Variants in MICALL2 observed in about 807,000 individuals in gnomAD.
MICALL2 encodes MICAL-like protein 2.
Under a neutral mutation model 91.1 loss-of-function variants are expected in MICALL2, and 111 were observed. That is an observed-to-expected ratio of 1.22 (90% CI 1.04 to 1.43). The LOEUF is 1.43. Ranked by LOEUF, MICALL2 falls within the 40% of genes most tolerant of loss-of-function variation. The pLI is 0.00. For synonymous variants in MICALL2, 694 were observed against 525.3 expected (o/e 1.32, Z -4.39); for missense variants, 1,556 against 1,236.0 (o/e 1.26, Z -3.88).
At chr7:1,438,488 C>T (rs999924782) in intron 10 of MICALL2, 135 bp from the exon 11 acceptor site, 153 of 1,475,412 alleles carry the variant, frequency 1.0e-4, no homozygotes, top group Non-Finnish European at 1.1e-4. Context: ...CCCACACGCC[C>T]ACTGGACTGC....
In MICALL2 at chr7:1,440,682, T is replaced by TGTCTGGGTGGGAGGCATGGG; in HGVS notation, c.1713_1714insCCCATGCCTCCCACCCAGAC (p.Met572ProfsTer8). 6.2e-7 allele frequency: 1 copy of TGTCTGGGTGGGAGGCATGGG among 1,611,262 alleles called. No homozygotes were observed. The highest frequency in any genetic ancestry group is 8.5e-7 in the Non-Finnish European group (1 of 1,179,634). Reference sequence around the variant, plus strand: ...TGGCCTTCCTGGAGGCTGGTGCTCATGTCTGGGTGGGAGGCAAGGGGTCTG... The same window carrying TGTCTGGGTGGGAGGCATGGG: ...TGGCCTTCCTGGAGGCTGGTGCTCATGTCTGGGTGGGAGGCATGGGGTCTGGGTGGGAGGCAAGGGGTCTG... On this transcript the variant is annotated frameshift_variant and splice_region_variant, in exon 8 of 17. Coordinates refer to ENST00000297508, the MANE Select transcript of MICALL2 (RefSeq NM_182924.4). LOFTEE classifies it high-confidence loss of function.
In MICALL2 at chr7:1,434,596, C is replaced by T; in HGVS notation, c.2715G>A (p.Ter905=). ...SPKSKSSPSQ[*] Reference sequence around the variant, plus strand: ...GCCGAGCCCACGGCCCTACTGGCTACTACTGGGAGGGGCTGCTTTTGCTTT... The same window carrying T: ...GCCGAGCCCACGGCCCTACTGGCTATTACTGGGAGGGGCTGCTTTTGCTTT... Residue 905 remains the stop codon, a stop_retained_variant, in exon 17 of 17, where the codon TAG becomes TAA. Transcript: ENST00000297508. 1.2e-6 allele frequency: 2 copies of T among 1,604,282 alleles called. No homozygotes were observed. The highest frequency in any genetic ancestry group is 1.7e-6 in the Non-Finnish European group (2 of 1,176,546).
rs1200118738 is a variant in MICALL2 at position 1,451,859 on chromosome 7, C to A, written c.144-1571G>T. Reference sequence around the variant, plus strand: ...CTGGGCGGCCTAGTTCTGAGCCCAGCCTGCACAGCCCTTGCCAGGCCCTGA... The same window carrying A: ...CTGGGCGGCCTAGTTCTGAGCCCAGACTGCACAGCCCTTGCCAGGCCCTGA... On this transcript the variant is annotated intron_variant, in intron 1 of 16. Transcript: ENST00000297508. The surrounding 1 kb of genome is among the most constrained non-coding windows in gnomAD (Gnocchi z 4.5). Among the ~76,000 whole-genome samples the A allele has an allele frequency of 6.6e-6, 1 of 152,218 alleles. No homozygotes were observed.
At chr7:1,458,608 C>T (rs987473710) in intron 1 of MICALL2, among the ~76,000 whole-genome samples, 2 of 152,254 alleles carry the variant, frequency 1.3e-5, no homozygotes, top group Non-Finnish European at 2.9e-5. Context: ...GTCCTCAACC[C>T]CTGCCACCTC....
In MICALL2 at chr7:1,437,606, G is replaced by A. The variant is rs1342895760; in HGVS notation, c.2405C>T (p.Ser802Phe). ...LRQESELMYK[S>F]KAQRLEEQQL... is the part of the protein sequence containing the mutation. Reference sequence around the variant, plus strand: ...CTGCTCCTCCAGACGCTGGGCCTTGGACCTGCCGCACAGACACGCGTCTGA... The same window carrying A: ...CTGCTCCTCCAGACGCTGGGCCTTGAACCTGCCGCACAGACACGCGTCTGA... Residue 802 changes from serine (S) to phenylalanine (F), a missense_variant and splice_region_variant, in exon 14 of 17, where the codon TCC becomes TTC. By Grantham distance (155) the Ser-to-Phe change is radical. Coordinates refer to ENST00000297508, the MANE Select transcript of MICALL2 (RefSeq NM_182924.4). The A allele has an allele frequency of 1.9e-6, 3 of 1,539,354 alleles. No individual in the cohort carries two copies. In the East Asian group the frequency reaches 7.3e-5, roughly 38 times the overall value.
chr7:1,436,955 G>T, intron 14 of MICALL2, 99 bp from the exon 15 acceptor site: 1 of 865,642 alleles, frequency 1.2e-6, no homozygotes, highest in Non-Finnish European at 1.7e-6. Flanking sequence ...TCCTCTTTTG[G>T]AGGAAGAAGG....
chr7:1,453,338 A>T (rs1224779427), intron 1 of MICALL2, among the ~76,000 whole-genome samples: 1 of 152,098 alleles, frequency 6.6e-6, no homozygotes, highest in East Asian at 1.9e-4. Context: ...GTGGATGCAG[A>T]TACAAACTGA....
rs1271677142 is a variant in MICALL2 at position 1,452,771 on chromosome 7, G to T, written c.144-2483C>A. Reference sequence around the variant, plus strand: ...TGCCCACACGGCACAGGTCTGGGCTGCGAGTTCAAGCATCGCGGCCTCAGG... The same window carrying T: ...TGCCCACACGGCACAGGTCTGGGCTTCGAGTTCAAGCATCGCGGCCTCAGG... On this transcript the variant is annotated intron_variant, in intron 1 of 16. Transcript: ENST00000297508. This position sits in a 1 kb window ranked among gnomAD's most constrained non-coding sequence, Gnocchi z 6.2. Among the ~76,000 whole-genome samples, 2 of 152,174 alleles carry T rather than the reference G, an allele frequency of 1.3e-5. No individual in the cohort carries two copies. Among genetic ancestry groups the T allele is most frequent in the African/African-American group, 4.8e-5 (2 of 41,430 alleles).
chr7:1,458,052 G>A (rs552608936), intron 1 of MICALL2, among the ~76,000 whole-genome samples: 12 of 152,356 alleles, frequency 7.9e-5, no homozygotes, highest in Middle Eastern at 3.4e-3. Context: ...CTGCCCAAAC[G>A]CCAAATGGAA....
rs540530229 is a variant in MICALL2, at chr7:1,451,129, G to A, written c.144-841C>T. ...TACACCACAGGGATGCAAGGGTCCC[G>A]GGAAGTTCCCGAGGTGAGGTCCCCG... On this transcript the variant is annotated intron_variant, in intron 1 of 16. Coordinates refer to ENST00000297508, the MANE Select transcript of MICALL2 (RefSeq NM_182924.4). The surrounding 1 kb of genome is among the most constrained non-coding windows in gnomAD (Gnocchi z 4.5). Among the ~76,000 whole-genome samples the A allele has an allele frequency of 2.5e-4, 38 of 152,268 alleles. No individual in the cohort carries two copies. Among genetic ancestry groups the A allele is most frequent in the African/African-American group, 8.7e-4 (36 of 41,562 alleles).
rs1282886582 is a variant in MICALL2 at position 1,452,904 on chromosome 7, G to A, written c.144-2616C>T. ...ATCCTGCCCCAAGCTCCTTCCCCAGGGCCGGCCCTCCAGCCTCCAGACCAT... is the reference window on the plus strand; with the variant it reads ...ATCCTGCCCCAAGCTCCTTCCCCAGAGCCGGCCCTCCAGCCTCCAGACCAT... On this transcript the variant is annotated intron_variant, in intron 1 of 16. Coordinates refer to ENST00000297508, the MANE Select transcript of MICALL2 (RefSeq NM_182924.4). The surrounding 1 kb of genome is among the most constrained non-coding windows in gnomAD (Gnocchi z 6.2). Among the ~76,000 whole-genome samples the A allele has an allele frequency of 3.3e-5, 5 of 151,914 alleles. No individual in the cohort carries two copies. Among genetic ancestry groups the A allele is most frequent in the Admixed American group, 3.3e-4 (5 of 15,238 alleles).
Position 1,436,782 on chromosome 7 carries a change from G to A in MICALL2, c.2551C>T (p.Arg851Cys), listed in dbSNP as rs772463378. The A allele has an allele frequency of 2.4e-5, 39 of 1,608,570 alleles. No homozygotes were observed. Among genetic ancestry groups the A allele is most frequent in the South Asian group, 1.4e-4 (13 of 90,764 alleles). ...TCCAGCGAGTCCACGATGTCACTGC[G>A]GTCGTTCACGGTGCTCACGTACTGC... ...LEQYVSTVNDRSDIVDSLDED... is the reference protein window; with the variant it reads ...LEQYVSTVNDCSDIVDSLDED... Residue 851 changes from arginine (R) to cysteine (C), a missense_variant, in exon 15 of 17, where the codon CGC (arginine) becomes TGC (cysteine). Physicochemically the swap from Arg to Cys is radical, Grantham distance 180. Coordinates refer to ENST00000297508, the MANE Select transcript of MICALL2 (RefSeq NM_182924.4).
chr7:1,435,924 C>T lies in MICALL2; in HGVS notation c.2592-777G>A, dbSNP rs1216488661. Among the ~76,000 whole-genome samples, 7 of 151,224 alleles carry T rather than the reference C, an allele frequency of 4.6e-5. No homozygotes were observed. The East Asian group carries it at 5.9e-4, about 13-fold the overall frequency. ...AAAATTAGCCGGGTGTGGTGGCGGGCGCCTGTAGTCCCAGCTACTTGGGAA... is the reference window on the plus strand; with the variant it reads ...AAAATTAGCCGGGTGTGGTGGCGGGTGCCTGTAGTCCCAGCTACTTGGGAA... On this transcript the variant is annotated intron_variant, in intron 15 of 16. Transcript: ENST00000297508.
chr7:1,447,824 C>T (rs1780668421), intron 3 of MICALL2, 59 bp from the exon 4 acceptor site: 1 of 1,341,190 alleles, frequency 7.5e-7, no homozygotes. Flanking sequence ...AGGGTCTAGT[C>T]CCTCCAGAGG....
rs1780517137 is a variant in MICALL2 at position 1,445,233 on chromosome 7, T to A, written c.837A>T (p.Ala279=). 6.2e-7 allele frequency: 1 copy of A among 1,611,570 alleles called. No individual in the cohort carries two copies. The highest frequency in any genetic ancestry group is 1.3e-5 in the African/African-American group (1 of 74,914). Residue 279 remains alanine, a synonymous_variant, in exon 6 of 17, where the codon GCA becomes GCT. Transcript: ENST00000297508. ...CCCAGGCCGACGGTCTGGCCTTGTTTGCCTCCTGGGCCTTCTGTGGGGAAC... is the reference window on the plus strand; with the variant it reads ...CCCAGGCCGACGGTCTGGCCTTGTTAGCCTCCTGGGCCTTCTGTGGGGAAC... ...TSCSPQKAQE[A]NKARPSAWEP...
At position 1,442,323 on chromosome 7, in the gene MICALL2, TGA is replaced by T. The variant is rs1303492580; in HGVS notation, c.1578_1579del (p.Gln527GlyfsTer37). 2 of 1,613,052 alleles carry T rather than the reference TGA, an allele frequency of 1.2e-6. No individual in the cohort carries two copies. The highest frequency in any genetic ancestry group is 1.1e-5 in the South Asian group (1 of 91,080). On this transcript the variant is annotated frameshift_variant, in exon 7 of 17. Transcript: ENST00000297508. LOFTEE classifies it high-confidence loss of function. ...GCCTGCCGGGGGCAACGCGGATGCC[TGA>T]GAGGTACTGCTCGTGCTCAGCGGGG...
In MICALL2 at chr7:1,434,534, C is replaced by A; in HGVS notation, c.*62G>T. On this transcript the variant is annotated 3_prime_UTR_variant, in exon 17 of 17. Transcript: ENST00000297508. ...TCCGGGTTCCGGGTCCGGGCCAAGC[C>A]CATGGCCCCGAGTCCAAGTCCGGAT... 7.0e-7 allele frequency: 1 copy of A among 1,438,076 alleles called. No individual in the cohort carries two copies. Among genetic ancestry groups the A allele is most frequent in the African/African-American group, 1.4e-5 (1 of 71,722 alleles). 89.1% of individuals were successfully genotyped at this position (1,438,076 alleles called of 1,614,324 possible).
chr7:1,441,865 C>T, intron 7 of MICALL2: 2 of 375,300 alleles, frequency 5.3e-6, no homozygotes, highest in South Asian at 7.1e-5. Context: ...ACGGCCAAGC[C>T]AGGCCACTGC....
chr7:1,446,925 G>A (rs1780624192), intron 4 of MICALL2, 97 bp from the exon 5 acceptor site: 2 of 878,376 alleles, frequency 2.3e-6, no homozygotes, highest in Non-Finnish European at 3.4e-6. Flanking sequence ...TCTTACAGAT[G>A]GAGAACTGGC....
Sources: allele counts gnomAD v4.1 joint callset (sites outside exome capture counted in the v4.1 genomes callset), GRCh38; gene constraint gnomAD v4.1.1; non-coding constraint Gnocchi (gnomAD v3.1); transcripts MANE v1.5; gene names NCBI Gene and HGNC (gene_info 2026-07-23, HGNC 2026-07-21).